Variants in IQSEC1 observed in about 807,000 individuals in gnomAD.
IQSEC1 encodes the protein IQ motif and Sec7 domain ArfGEF 1.
Under a neutral mutation model 91.0 loss-of-function variants are expected in IQSEC1, and 31 were observed. The ratio of observed to expected loss-of-function variants is 0.34; its 90% confidence interval spans 0.26 to 0.46. IQSEC1 has a LOEUF of 0.46. IQSEC1 is among the 20% of genes least tolerant of loss of function. IQSEC1 has a pLI of 1.00. For missense variants in IQSEC1, 1,388 were observed against 1,575.6 expected (o/e 0.88, Z 2.02); for synonymous variants, 699 against 662.6 (o/e 1.05, Z -0.84).
chr3:13,000,138 CA>C (rs964620857), intron 1 of IQSEC1, among the ~76,000 whole-genome samples: 83 of 151,626 alleles, frequency 5.5e-4, no homozygotes, highest in African/African-American at 1.9e-3. Flanking sequence ...CAATCAAAAA[CA>C]AAAAAAATGA....
At chr3:13,086,971 C>T (rs1321984817) in intron 2 of IQSEC1, among the ~76,000 whole-genome samples, 3 of 152,254 alleles carry the variant, frequency 2.0e-5, no homozygotes, top group Non-Finnish European at 4.4e-5. Flanking sequence ...GCCTGGCACA[C>T]AGCAGGTGCT....
intron 2 of IQSEC1, among the ~76,000 whole-genome samples, chr3:13,106,063 C>G (rs1018593693): frequency 6.6e-6 from 1 of 152,178 alleles, no homozygotes; most frequent in African/African-American, 2.4e-5. Context: ...ATAGAGGGAG[C>G]CTGGGTTCCT....
At chr3:13,146,163 T>G (rs561384802) in intron 2 of IQSEC1, among the ~76,000 whole-genome samples, 1 of 152,074 alleles carries the variant, frequency 6.6e-6, no homozygotes, top group East Asian at 1.9e-4. Flanking sequence ...ATTTTTTTTT[T>G]TTTTTAAGAA....
chr3:12,900,960 C>T lies in IQSEC1; in HGVS notation c.*23G>A, dbSNP rs748353514. 7.1e-6 allele frequency: 11 copies of T among 1,541,322 alleles called. No homozygotes were observed. In the South Asian group the frequency reaches 1.2e-4, roughly 17 times the overall value. ...TGTGGTGTGCAGGTGTTTCAGGGAG[C>T]CTGGGACCCCTACCCAGGCTGTCTA... is the stretch of plus-strand genomic sequence containing the variant. On this transcript the variant is annotated 3_prime_UTR_variant, in exon 14 of 14. Transcript: ENST00000613206.
intron 1 of IQSEC1, among the ~76,000 whole-genome samples, chr3:12,946,168 G>C (rs934892026): frequency 1.1e-4 from 17 of 152,194 alleles, no homozygotes; most frequent in Non-Finnish European, 7.3e-5. Context: ...TTGGGTTAGA[G>C]AACAGCCAGA....
At chr3:13,112,252 A>G (rs1459399456) in intron 2 of IQSEC1, among the ~76,000 whole-genome samples, 3 of 152,238 alleles carry the variant, frequency 2.0e-5, no homozygotes, top group Admixed American at 6.5e-5. Context: ...GGTGCCTGGA[A>G]GGACTCCCAT....
chr3:13,007,534 G>A (rs1283965745), intron 1 of IQSEC1, among the ~76,000 whole-genome samples: 2 of 152,242 alleles, frequency 1.3e-5, no homozygotes, highest in African/African-American at 4.8e-5. Flanking sequence ...ACTTGCGCGA[G>A]TCACTTGGCT....
intron 1 of IQSEC1, among the ~76,000 whole-genome samples, chr3:13,199,291 G>A (rs1694193491): frequency 6.6e-6 from 1 of 152,214 alleles, no homozygotes; most frequent in South Asian, 2.1e-4. Flanking sequence ...CAACACATTT[G>A]ACGCAGTCCT....
chr3:13,238,137 T>C (rs1444204323), intron 1 of IQSEC1, among the ~76,000 whole-genome samples: 1 of 152,202 alleles, frequency 6.6e-6, no homozygotes, highest in Non-Finnish European at 1.5e-5. Flanking sequence ...AGCTGGACTA[T>C]TCGCACCTCC....
intron 2 of IQSEC1, among the ~76,000 whole-genome samples, chr3:13,139,784 G>T (rs1232297674): frequency 1.3e-5 from 2 of 152,150 alleles, no homozygotes; most frequent in African/African-American, 2.4e-5. Context: ...GCTTCTCCTG[G>T]AAACAAAGCC....
intron 1 of IQSEC1, among the ~76,000 whole-genome samples, chr3:13,016,825 T>G (rs1207119222): frequency 6.6e-6 from 1 of 152,210 alleles, no homozygotes; most frequent in African/African-American, 2.4e-5. Flanking sequence ...AATAGTATAT[T>G]CCCAGAGGGG....
chr3:12,928,294 C>G (rs1171873335), intron 3 of IQSEC1, among the ~76,000 whole-genome samples: 2 of 152,290 alleles, frequency 1.3e-5, no homozygotes, highest in East Asian at 3.9e-4. Context: ...TCCAGGATGG[C>G]GTCAGCTTTT....
chr3:12,988,306 T>C (rs1008863494), intron 1 of IQSEC1, among the ~76,000 whole-genome samples: 3 of 151,978 alleles, frequency 2.0e-5, no homozygotes, highest in African/African-American at 7.3e-5. Flanking sequence ...TCCCAGCTAC[T>C]GGGGAGGCTG....
intron 1 of IQSEC1, among the ~76,000 whole-genome samples, chr3:13,242,327 G>A (rs948491129): frequency 3.3e-5 from 5 of 152,358 alleles, no homozygotes; most frequent in African/African-American, 1.2e-4. Flanking sequence ...TGACCCACAT[G>A]AGGTGCGGTG....
In IQSEC1 at chr3:12,897,362, AG is replaced by A. The variant is rs754567053; in HGVS notation, c.*3620del. On this transcript the variant is annotated 3_prime_UTR_variant, in exon 14 of 14. Coordinates refer to ENST00000613206, the MANE Select transcript of IQSEC1 (RefSeq NM_001134382.3). ...CTCAAAGGTACACAGTGGGGGTGCC[AG>A]GCTTCTTGTGAGGGAGGTGTCCCTT... 7 of 152,270 alleles carry A rather than the reference AG, an allele frequency of 4.6e-5. No individual in the cohort carries two copies. Among genetic ancestry groups the A allele is most frequent in the Non-Finnish European group, 8.8e-5 (6 of 68,046 alleles). The allele number at this position is 152,270 out of a possible 1,614,324, so 9.4% of individuals were successfully genotyped here.
chr3:13,115,811 T>C (rs1332142623), intron 2 of IQSEC1, among the ~76,000 whole-genome samples: 1 of 152,124 alleles, frequency 6.6e-6, no homozygotes. Context: ...ACTCCATATC[T>C]ACCCTTGAAC....
At chr3:13,067,896 G>C (rs553882394) in intron 1 of IQSEC1, among the ~76,000 whole-genome samples, 1 of 152,250 alleles carries the variant, frequency 6.6e-6, no homozygotes, top group Non-Finnish European at 1.5e-5. Context: ...TGAGGAGATG[G>C]TGCCAGGTCC....
At chr3:13,083,037 G>C (rs1352154678) in intron 2 of IQSEC1, among the ~76,000 whole-genome samples, 1 of 152,194 alleles carries the variant, frequency 6.6e-6, no homozygotes, top group African/African-American at 2.4e-5. Flanking sequence ...AAGGGACTCT[G>C]TAATAATTAC....
At chr3:13,049,938 A>C (rs1207296729) in intron 1 of IQSEC1, among the ~76,000 whole-genome samples, 1 of 152,218 alleles carries the variant, frequency 6.6e-6, no homozygotes, top group African/African-American at 2.4e-5. Flanking sequence ...TGAAGACGGG[A>C]AACTGTCAGG....
Sources: allele counts gnomAD v4.1 joint callset (sites outside exome capture counted in the v4.1 genomes callset), GRCh38; gene constraint gnomAD v4.1.1; transcripts MANE v1.5; gene names NCBI Gene and HGNC (gene_info 2026-07-23, HGNC 2026-07-21).